The following SPTB variants were observed in gnomAD, a reference collection of about 807,000 sequenced individuals.
The protein encoded by SPTB is spectrin beta chain, erythrocytic.
In SPTB, 45 loss-of-function variants were observed where a neutral mutation model predicts 256.2. That is an observed-to-expected ratio of 0.18 (90% CI 0.14 to 0.23). SPTB has a LOEUF of 0.23. Ranked by LOEUF, SPTB falls within the 10% of genes least tolerant of loss-of-function variation. The pLI is 1.00. For missense variants in SPTB, 2,715 were observed against 3,040.4 expected (o/e 0.89, Z 2.52); for synonymous variants, 1,231 against 1,243.1 (o/e 0.99, Z 0.21).
rs560507519 is a variant in SPTB at position 64,747,098 on chromosome 14, G to C, written c.*2208C>G. The C allele has an allele frequency of 6.6e-6, 1 of 152,608 alleles. No individual in the cohort carries two copies. Among genetic ancestry groups the C allele is most frequent in the Non-Finnish European group, 1.5e-5 (1 of 68,078 alleles). The allele number at this position is 152,608 out of a possible 1,614,324, so 9.5% of individuals were successfully genotyped here. A position where few individuals can be genotyped will look rare whatever the true frequency, so the allele number is the denominator to read the frequency against. On this transcript the variant is annotated 3_prime_UTR_variant, in exon 36 of 36. Coordinates refer to ENST00000644917, the MANE Select transcript of SPTB (RefSeq NM_001355436.2). Reference sequence around the variant, plus strand: ...CCTGGACCAGGCCAGGGGACCTGGGGTGGTGAGATGCTAGCTCTTCCACTA... The same window carrying C: ...CCTGGACCAGGCCAGGGGACCTGGGCTGGTGAGATGCTAGCTCTTCCACTA...
chr14:64,842,828 G>C (rs558981439), intron 1 of SPTB, among the ~76,000 whole-genome samples: 1 of 152,170 alleles, frequency 6.6e-6, no homozygotes, highest in African/African-American at 2.4e-5. Flanking sequence ...CCAACACTTT[G>C]GGAGGCTAAA....
rs199618643 is a variant in SPTB, at chr14:64,765,857, GTA to G, written c.6345+867_6345+868del. Among the ~76,000 whole-genome samples the G allele has an allele frequency of 7.2e-3, 1,023 of 142,988 alleles. 21 individuals carry two copies. The highest frequency in any genetic ancestry group is 0.026 in the African/African-American group (960 of 36,608). 93.8% of individuals were successfully genotyped at this position (142,988 alleles called of 152,430 possible). On this transcript the variant is annotated intron_variant, in intron 32 of 35. Coordinates refer to ENST00000644917, the MANE Select transcript of SPTB (RefSeq NM_001355436.2). ...GTGTGGGGGTGTGGTGTGTGCACAT[GTA>G]TGTGTGTGTGTGTGTGGAGGTTGCG... is the stretch of plus-strand genomic sequence containing the variant.
chr14:64,858,647 C>G (rs1462198807), intron 1 of SPTB, among the ~76,000 whole-genome samples: 1 of 152,086 alleles, frequency 6.6e-6, no homozygotes, highest in Admixed American at 6.5e-5. Context: ...AAACGCCAAA[C>G]AAATGACAGT....
intron 1 of SPTB, among the ~76,000 whole-genome samples, chr14:64,848,179 C>G (rs893149852): frequency 6.6e-6 from 1 of 152,198 alleles, no homozygotes; most frequent in Non-Finnish European, 1.5e-5. Context: ...TCCCATTTTA[C>G]CTTCCACAAA....
rs904581097 is a variant in SPTB at position 64,826,387 on chromosome 14, G to C, written c.-51-3242C>G. 4.6e-5 allele frequency among the ~76,000 whole-genome samples: 7 copies of C among 152,200 alleles called. No homozygotes were observed. The highest frequency in any genetic ancestry group is 1.0e-4 in the Non-Finnish European group (7 of 68,036). On this transcript the variant is annotated intron_variant, in intron 1 of 35. Transcript: ENST00000644917. This position sits in a 1 kb window ranked among gnomAD's most constrained non-coding sequence, Gnocchi z 4.4. ...ACCATGACTGAAAAAAACAGCATAT[G>C]TTGGGGCTCATGGTGGGGACACCTA...
At chr14:64,835,966 T>A (rs1326891709) in intron 1 of SPTB, among the ~76,000 whole-genome samples, 1 of 152,218 alleles carries the variant, frequency 6.6e-6, no homozygotes, top group African/African-American at 2.4e-5. Flanking sequence ...GAGGGGAACA[T>A]CCCGTGCTAC....
rs920671456 is a variant in SPTB, at chr14:64,866,468, C to T, written c.-52+13324G>A. On this transcript the variant is annotated intron_variant, in intron 1 of 35. Transcript: ENST00000644917. This position sits in a 1 kb window ranked among gnomAD's most constrained non-coding sequence, Gnocchi z 4.6. Reference sequence around the variant, plus strand: ...CTTGCCAAGGCCTTTGAGGGCCTTCCGCTTATCAGTTCATCTCAGACCCCA... The same window carrying T: ...CTTGCCAAGGCCTTTGAGGGCCTTCTGCTTATCAGTTCATCTCAGACCCCA... Among the ~76,000 whole-genome samples the T allele has an allele frequency of 3.3e-5, 5 of 152,142 alleles. No individual in the cohort carries two copies. Among genetic ancestry groups the T allele is most frequent in the Admixed American group, 1.3e-4 (2 of 15,268 alleles).
At chr14:64,854,301 T>C (rs866270353) in intron 1 of SPTB, among the ~76,000 whole-genome samples, 59 of 82,198 alleles carry the variant, frequency 7.2e-4, no homozygotes, top group African/African-American at 2.3e-3. Context: ...TTTTTTGAGA[T>C]GGAGTCTCAC....
In SPTB at chr14:64,796,848, A is replaced by G. The variant is rs2082779491; in HGVS notation, c.1183-133T>C. 1 of 1,167,418 alleles carries G rather than the reference A, an allele frequency of 8.6e-7. No individual in the cohort carries two copies. The highest frequency in any genetic ancestry group is 1.9e-5 in the Admixed American group (1 of 51,316). The allele number at this position is 1,167,418 out of a possible 1,614,324, so 72.3% of individuals were successfully genotyped here. Reference sequence around the variant, plus strand: ...GCCTGATGCTCTTGGGTGACGTGGTAGCAGATTAAAGATCAATAAAAGCCT... The same window carrying G: ...GCCTGATGCTCTTGGGTGACGTGGTGGCAGATTAAAGATCAATAAAAGCCT... On this transcript the variant is annotated intron_variant, in intron 10 of 35. Coordinates refer to ENST00000644917, the MANE Select transcript of SPTB (RefSeq NM_001355436.2). The surrounding 1 kb of genome is among the most constrained non-coding windows in gnomAD (Gnocchi z 4.1).
chr14:64,851,720 T>C (rs544524110), intron 1 of SPTB, among the ~76,000 whole-genome samples: 2 of 152,232 alleles, frequency 1.3e-5, no homozygotes, highest in East Asian at 1.9e-4. Context: ...TGCAGGGACA[T>C]AGATGGAGCT....
At chr14:64,768,142 A>G (rs1278613145) in intron 29 of SPTB, 15 of 495,020 alleles carry the variant, frequency 3.0e-5, no homozygotes, top group Non-Finnish European at 5.6e-5. Flanking sequence ...CCTGGGTTCA[A>G]GTGATCCTCC....
intron 19 of SPTB, among the ~76,000 whole-genome samples, chr14:64,783,731 T>G (rs2082513572): frequency 6.6e-6 from 1 of 152,114 alleles, no homozygotes. Context: ...GATTTCCACA[T>G]CTAATTCCAG....
intron 6 of SPTB, 88 bp downstream of exon 6, chr14:64,801,666 T>C: frequency 1.0e-5 from 14 of 1,340,570 alleles, no homozygotes; most frequent in Non-Finnish European, 1.5e-5. Context: ...AGGTCACATT[T>C]CTGTGACTCC....
chr14:64,868,145 T>C (rs920464618), intron 1 of SPTB, among the ~76,000 whole-genome samples: 3 of 152,172 alleles, frequency 2.0e-5, no homozygotes, highest in Non-Finnish European at 4.4e-5. Flanking sequence ...GACTTAGGTT[T>C]TTAAAAATAA....
Position 64,793,738 on chromosome 14 carries a change from A to G in SPTB, c.1925T>C (p.Phe642Ser). The G allele has an allele frequency of 6.2e-7, 1 of 1,614,194 alleles. No individual in the cohort carries two copies. Residue 642 changes from phenylalanine (F) to serine (S), a missense_variant, in exon 14 of 36, where the codon TTC (phenylalanine) becomes TCC (serine). Physicochemically the swap from Phe to Ser is radical, Grantham distance 155. Coordinates refer to ENST00000644917, the MANE Select transcript of SPTB (RefSeq NM_001355436.2). The surrounding 1 kb of genome is among the most constrained non-coding windows in gnomAD (Gnocchi z 7.0). ...CTCAGCCTCATCCATCTCCCAGAAG[A>G]ACTTCCAGAGTCGTTTGGACTGCTC... ...QLEQSKRLWK[F>S]FWEMDEAESW...
intron 29 of SPTB, 38 bp downstream of exon 29, chr14:64,768,996 C>T: frequency 6.4e-7 from 1 of 1,558,740 alleles, no homozygotes; most frequent in Non-Finnish European, 8.8e-7. Context: ...TGCGGGGGTA[C>T]TCCTGCCCCT....
intron 32 of SPTB, chr14:64,763,753 A>G (rs778263432): frequency 1.9e-6 from 1 of 519,014 alleles, no homozygotes; most frequent in East Asian, 5.4e-5. Context: ...CCTCCCATGC[A>G]CTTACCTGTA....
At chr14:64,797,679 G>A (rs375677796) in intron 10 of SPTB, 50 bp downstream of exon 10, 27 of 1,363,216 alleles carry the variant, frequency 2.0e-5, no homozygotes, top group African/African-American at 1.6e-4. Flanking sequence ...TGTCCTTATC[G>A]GGAATTCAAT....
rs577019822 is a variant in SPTB at position 64,805,526 on chromosome 14, A to G, written c.149-436T>C. Among the ~76,000 whole-genome samples, 21 of 152,220 alleles carry G rather than the reference A, an allele frequency of 1.4e-4. No homozygotes were observed. In the South Asian group the frequency reaches 3.9e-3, roughly 29 times the overall value. ...ACTTAACACTAATTCATCCTTTAAGAGCCAGTATAAATGGCGCTTGGGTTG... is the reference window on the plus strand; with the variant it reads ...ACTTAACACTAATTCATCCTTTAAGGGCCAGTATAAATGGCGCTTGGGTTG... On this transcript the variant is annotated intron_variant, in intron 2 of 35. Coordinates refer to ENST00000644917, the MANE Select transcript of SPTB (RefSeq NM_001355436.2).
Sources: allele counts gnomAD v4.1 joint callset (sites outside exome capture counted in the v4.1 genomes callset), GRCh38; gene constraint gnomAD v4.1.1; non-coding constraint Gnocchi (gnomAD v3.1); transcripts MANE v1.5; gene names NCBI Gene and HGNC (gene_info 2026-07-23, HGNC 2026-07-21).